ATRX: variants seen among roughly 807,000 people sequenced by gnomAD.
The protein encoded by ATRX is chromatin remodeler ATRX.
In ATRX, 12 loss-of-function variants were observed where a neutral mutation model predicts 172.6. The ratio of observed to expected loss-of-function variants is 0.07; its 90% CI spans 0.04 to 0.11. The LOEUF is 0.11. ATRX is among the 10% of genes least tolerant of loss of function. The pLI, the probability that ATRX is intolerant of heterozygous loss-of-function variation, is 1.00. For missense variants in ATRX, 1,368 were observed against 1,767.4 expected (o/e 0.77, Z 4.05); for synonymous variants, 674 against 594.7 (o/e 1.13, Z -1.94).
chrX:77,529,006 C>T, intron 30 of ATRX, among the ~76,000 whole-genome samples: 1 of 112,034 alleles, frequency 8.9e-6, no homozygotes, highest in Non-Finnish European at 1.9e-5. Flanking sequence ...AACATGAGAA[C>T]TTCACAATGC....
intron 10 of ATRX, chrX:77,673,966 A>G (rs1315933499): frequency 1.8e-5 from 2 of 111,229 alleles, no homozygotes; most frequent in African/African-American, 6.5e-5. Flanking sequence ...AAGGTTTACA[A>G]AAATTTATTG....
chrX:77,770,729 C>A (rs1352712565), intron 1 of ATRX, among the ~76,000 whole-genome samples: 1 of 112,258 alleles, frequency 8.9e-6, no homozygotes, highest in Non-Finnish European at 1.9e-5. Context: ...AATTAGAATA[C>A]AGATTTTTGC....
At position 77,549,955 on chromosome X, in the gene ATRX, AAAATGAAATG is replaced by A. The variant is rs537966178; in HGVS notation, c.6699+7486_6699+7495del. On this transcript the variant is annotated intron_variant, in intron 30 of 34. Transcript: ENST00000373344. The stretch of plus-strand genomic sequence containing the variant: ...GGCAATAGAACGAGACCTTGTCTCA[AAAATGAAATG>A]AAATGAAATGAAATGAAATGAAATA... Among the ~76,000 whole-genome samples the A allele has an allele frequency of 3.5e-3, 388 of 111,564 alleles. 1 individual carries two copies. Among genetic ancestry groups the A allele is most frequent in the African/African-American group, 0.011 (351 of 30,561 alleles).
In ATRX at chrX:77,523,534, A is replaced by G. The variant is rs972995151; in HGVS notation, c.6700-133T>C. On this transcript the variant is annotated intron_variant, in intron 30 of 34. Coordinates refer to ENST00000373344, the MANE Select transcript of ATRX (RefSeq NM_000489.6). ...TATATATTTCTGATATATATGACAGATTACCTAAAAAACAGCAGCAAAACA... is the reference window on the plus strand; with the variant it reads ...TATATATTTCTGATATATATGACAGGTTACCTAAAAAACAGCAGCAAAACA... The G allele has an allele frequency of 3.9e-4, 248 of 630,495 alleles. 1 individual carries two copies. The highest frequency in any genetic ancestry group is 3.7e-4 in the Admixed American group (10 of 27,334). The allele number at this position is 630,495 out of a possible 1,213,427, so 52.0% of individuals were successfully genotyped here.
chrX:77,743,168 C>A (rs2074944947), intron 1 of ATRX, among the ~76,000 whole-genome samples: 1 of 110,951 alleles, frequency 9.0e-6, no homozygotes, highest in African/African-American at 3.3e-5. Flanking sequence ...GCTTATATGA[C>A]CCGACCCTGG....
intron 30 of ATRX, among the ~76,000 whole-genome samples, chrX:77,538,437 G>A (rs1384822829): frequency 9.0e-6 from 1 of 110,911 alleles, no homozygotes; most frequent in Non-Finnish European, 1.9e-5. Flanking sequence ...GGGACAAACA[G>A]AATGGAATAA....
intron 7 of ATRX, among the ~76,000 whole-genome samples, chrX:77,687,772 G>A (rs45626338): frequency 1.3e-3 from 142 of 112,186 alleles, no homozygotes; most frequent in Non-Finnish European, 2.3e-3. Context: ...AAGCATGTCT[G>A]AATCTATCAA....
chrX:77,610,018 A>C (rs1008549752), intron 22 of ATRX, among the ~76,000 whole-genome samples: 3 of 112,282 alleles, frequency 2.7e-5, no homozygotes, highest in African/African-American at 9.7e-5. Context: ...TCATTTAAGG[A>C]TGAATGCTTG....
intron 19 of ATRX, among the ~76,000 whole-genome samples, chrX:77,621,850 A>C (rs950593874): frequency 9.2e-6 from 1 of 109,270 alleles, no homozygotes; most frequent in East Asian, 2.8e-4. Context: ...GTAAAAAAAA[A>C]CAACAACAAC....
intron 30 of ATRX, among the ~76,000 whole-genome samples, chrX:77,530,983 C>A (rs782393208): frequency 2.7e-5 from 3 of 112,166 alleles, no homozygotes; most frequent in Non-Finnish European, 5.6e-5. Context: ...ATGCAAACAA[C>A]CGTCAGAGAA....
rs782001449 is a variant in ATRX, at chrX:77,521,457, T to C, written c.7017A>G (p.Thr2339=). Residue 2339 remains threonine, a synonymous_variant, in exon 33 of 35, where the codon ACA becomes ACG. Transcript: ENST00000373344. ...NQGREKVVEA[T]NSVTAVRIQP... is the part of the protein sequence containing the mutation. ...GAATCCTCACTGCTGTCACACTGTT[T>C]GTTGCTTCTACAACTTTTTCTCTTC... 8.3e-6 allele frequency: 10 copies of C among 1,210,179 alleles called. No individual in the cohort carries two copies. In the South Asian group the frequency reaches 1.8e-4, roughly 21 times the overall value.
intron 6 of ATRX, among the ~76,000 whole-genome samples, chrX:77,691,891 T>C (rs1557147202): frequency 8.9e-6 from 1 of 111,965 alleles, no homozygotes; most frequent in East Asian, 2.8e-4. Context: ...ATCATTAAGA[T>C]GAAAATAGAT....
chrX:77,747,032 C>T (rs1245281222), intron 1 of ATRX, among the ~76,000 whole-genome samples: 2 of 110,292 alleles, frequency 1.8e-5, no homozygotes, highest in Non-Finnish European at 3.8e-5. Context: ...ATCTCCTAAC[C>T]TCGTGATCCA....
chrX:77,734,898 G>C (rs1398475769), intron 1 of ATRX, among the ~76,000 whole-genome samples: 2 of 109,378 alleles, frequency 1.8e-5, no homozygotes, highest in African/African-American at 6.7e-5. Flanking sequence ...ATCATTTGAG[G>C]TCAAGAGTTC....
intron 1 of ATRX, among the ~76,000 whole-genome samples, chrX:77,744,500 T>C (rs782490102): frequency 2.7e-5 from 3 of 111,729 alleles, no homozygotes; most frequent in Non-Finnish European, 3.8e-5. Flanking sequence ...CAAGGTAATA[T>C]GACACTGTCA....
Position 77,513,544 on chromosome X carries a change from G to A in ATRX, c.7201-4915C>T, listed in dbSNP as rs374107388. On this transcript the variant is annotated intron_variant, in intron 34 of 34. Transcript: ENST00000373344. ...CTACCGCACACCAGGACTCATTCCT[G>A]GCCCACAAGAACTCCAGGGGAATGA... Among the ~76,000 whole-genome samples the A allele has an allele frequency of 6.2e-4, 68 of 110,203 alleles. 2 individuals carry two copies. The South Asian group carries it at 0.024, about 39-fold the overall frequency.
intron 1 of ATRX, among the ~76,000 whole-genome samples, chrX:77,784,744 T>C (rs2076676920): frequency 8.9e-6 from 1 of 112,117 alleles, no homozygotes; most frequent in Non-Finnish European, 1.9e-5. Context: ...AATCTACTGC[T>C]TGTTCATGCA....
chrX:77,545,581 A>T (rs1468163244), intron 30 of ATRX, among the ~76,000 whole-genome samples: 1 of 111,607 alleles, frequency 9.0e-6, no homozygotes, highest in African/African-American at 3.3e-5. Context: ...TGAATATCTT[A>T]GTGAATTAGG....
At position 77,671,147 on chromosome X, in the gene ATRX, C is replaced by CA. The variant is rs34939100; in HGVS notation, c.3809+5078dup. ...TGGGTGACAGAGTGAGACTCTGTCT[C>CA]AAAAAAAAAAAAAAAAAAAAATATA... On this transcript the variant is annotated intron_variant, in intron 10 of 34. Coordinates refer to ENST00000373344, the MANE Select transcript of ATRX (RefSeq NM_000489.6). 1.6e-3 allele frequency among the ~76,000 whole-genome samples: 24 copies of CA among 15,282 alleles called. 3 individuals are homozygous for CA. The highest frequency in any genetic ancestry group is 0.025 in the South Asian group (2 of 79). The allele number at this position is 15,282 out of a possible 115,157, so 13.3% of individuals were successfully genotyped here. A position where few individuals can be genotyped will look rare whatever the true frequency, so the allele number is the denominator to read the frequency against.
Sources: allele counts gnomAD v4.1 joint callset (sites outside exome capture counted in the v4.1 genomes callset), GRCh38; gene constraint gnomAD v4.1.1; transcripts MANE v1.5; gene names NCBI Gene and HGNC (gene_info 2026-07-23, HGNC 2026-07-21).